Variants in IL1RAPL1 observed in about 807,000 individuals in gnomAD.
The protein encoded by IL1RAPL1 is interleukin-1 receptor accessory protein-like 1.
A neutral mutation model predicts 48.4 loss-of-function variants in IL1RAPL1; 3 were observed. The ratio of observed to expected loss-of-function variants is 0.06; its 90% CI spans 0.03 to 0.16. The LOEUF is 0.16. Ranked by LOEUF, IL1RAPL1 falls within the 10% of genes least tolerant of loss-of-function variation. The probability of loss-of-function intolerance (pLI) is 1.00; values close to 1 mark genes in which losing one functional copy is unlikely to be tolerated. For synonymous variants in IL1RAPL1, 185 were observed against 187.7 expected, an observed-to-expected ratio of 0.99 and a Z score of 0.12; for missense variants, 349 against 530.6, an observed-to-expected ratio of 0.66 and a Z score of 3.36.
chrX:29,031,347 T>G (rs756226296), intron 2 of IL1RAPL1, among the ~76,000 whole-genome samples: 8 of 112,215 alleles, frequency 7.1e-5, no homozygotes, highest in African/African-American at 1.9e-4. Context: ...AAAGCTACCA[T>G]AACAGGCCTA....
At chrX:28,762,314 A>C (rs1275527384) in intron 1 of IL1RAPL1, among the ~76,000 whole-genome samples, 1 of 111,886 alleles carries the variant, frequency 8.9e-6, no homozygotes, top group Non-Finnish European at 1.9e-5. Flanking sequence ...TGTATAATAA[A>C]ATTTTACAAT....
intron 6 of IL1RAPL1, among the ~76,000 whole-genome samples, chrX:29,845,073 C>A (rs1569184213): frequency 8.9e-6 from 1 of 112,096 alleles, no homozygotes; most frequent in African/African-American, 3.2e-5. Context: ...CTATAGACAG[C>A]TTGATTTCAG....
intron 5 of IL1RAPL1, among the ~76,000 whole-genome samples, chrX:29,631,286 TTATC>T (rs1295653013): frequency 8.9e-6 from 1 of 112,114 alleles, no homozygotes; most frequent in African/African-American, 3.2e-5. Flanking sequence ...AAGTTTCACC[TTATC>T]TATCTAGTTT....
intron 2 of IL1RAPL1, among the ~76,000 whole-genome samples, chrX:29,007,171 A>G (rs1926004472): frequency 8.9e-6 from 1 of 112,057 alleles, no homozygotes; most frequent in Admixed American, 9.5e-5. Context: ...ATGAATTGTA[A>G]AAGTAATAAG....
At chrX:28,838,650 C>T (rs1330991213) in intron 2 of IL1RAPL1, among the ~76,000 whole-genome samples, 1 of 109,238 alleles carries the variant, frequency 9.2e-6, no homozygotes, top group East Asian at 2.9e-4. Flanking sequence ...TTTTGTCTTC[C>T]TTTTTTTTGT....
chrX:29,454,961 T>A (rs1934721947), intron 5 of IL1RAPL1, among the ~76,000 whole-genome samples: 1 of 110,949 alleles, frequency 9.0e-6, no homozygotes, highest in South Asian at 3.8e-4. Context: ...AATGCACTTA[T>A]GTTCACTGAA....
chrX:29,796,737 C>G (rs1361483757), intron 6 of IL1RAPL1, among the ~76,000 whole-genome samples: 1 of 112,641 alleles, frequency 8.9e-6, no homozygotes, highest in Non-Finnish European at 1.9e-5. Context: ...ATTTAAAACT[C>G]TCTTTTAGCT....
At chrX:29,413,868 C>T (rs988452254) in intron 5 of IL1RAPL1, among the ~76,000 whole-genome samples, 1 of 109,148 alleles carries the variant, frequency 9.2e-6, no homozygotes, top group Non-Finnish European at 1.9e-5. Flanking sequence ...GCATTTCTAC[C>T]TTTGATATGA....
At chrX:29,131,288 A>ATATG (rs1479369867) in intron 2 of IL1RAPL1, among the ~76,000 whole-genome samples, 2 of 110,024 alleles carry the variant, frequency 1.8e-5, no homozygotes, top group Non-Finnish European at 3.8e-5. Flanking sequence ...ATATATATAT[A>ATATG]TATGCTGGCA....
At chrX:28,831,887 T>A (rs1293232826) in intron 2 of IL1RAPL1, among the ~76,000 whole-genome samples, 1 of 111,514 alleles carries the variant, frequency 9.0e-6, no homozygotes, top group Non-Finnish European at 1.9e-5. Flanking sequence ...CTTAACTTTT[T>A]AAAAAAGCTA....
chrX:29,657,815 T>G (rs190888487), intron 5 of IL1RAPL1, among the ~76,000 whole-genome samples: 124 of 108,195 alleles, frequency 1.1e-3, no homozygotes, highest in African/African-American at 4.0e-3. Flanking sequence ...TAGAAGATAA[T>G]TAGTGACTGT....
At chrX:29,289,854 C>T (rs1225894809) in intron 3 of IL1RAPL1, among the ~76,000 whole-genome samples, 2 of 111,940 alleles carry the variant, frequency 1.8e-5, no homozygotes, top group East Asian at 2.8e-4. Flanking sequence ...ATTTTGGTTT[C>T]GACATGTACA....
rs753763578 is a variant in IL1RAPL1 at position 28,989,131 on chromosome X, A to T, written c.82+199706A>T. 9.8e-5 allele frequency among the ~76,000 whole-genome samples: 11 copies of T among 112,356 alleles called. No individual in the cohort carries two copies. The East Asian group carries it at 2.8e-3, about 29-fold the overall frequency. ...GGTATGCTTCACCATTGTATTAACT[A>T]CATCACTGACTTCAATAGCTGAAAG... On this transcript the variant is annotated intron_variant, in intron 2 of 10. Coordinates refer to ENST00000378993, the MANE Select transcript of IL1RAPL1 (RefSeq NM_014271.4).
intron 5 of IL1RAPL1, among the ~76,000 whole-genome samples, chrX:29,487,193 C>T (rs888989229): frequency 1.2e-4 from 13 of 112,020 alleles, no homozygotes; most frequent in African/African-American, 3.9e-4. Flanking sequence ...CCCTGTAGCT[C>T]ACATATGATC....
At chrX:29,060,178 C>A (rs1927310301) in intron 2 of IL1RAPL1, among the ~76,000 whole-genome samples, 1 of 111,494 alleles carries the variant, frequency 9.0e-6, no homozygotes, top group Admixed American at 9.5e-5. Flanking sequence ...AGTTAAGAAC[C>A]ATTGTATATT....
chrX:29,199,520 G>T (rs976141449), intron 2 of IL1RAPL1, among the ~76,000 whole-genome samples: 6 of 111,506 alleles, frequency 5.4e-5, no homozygotes, highest in Non-Finnish European at 1.1e-4. Flanking sequence ...CAGATTAGGG[G>T]GCGGTGCAGC....
chrX:29,642,448 A>AATGTC (rs1383927590), intron 5 of IL1RAPL1, among the ~76,000 whole-genome samples: 1 of 112,440 alleles, frequency 8.9e-6, no homozygotes, highest in Non-Finnish European at 1.9e-5. Context: ...TACACTCAAT[A>AATGTC]ATGTCTGTTC....
chrX:28,635,187 A>G (rs1383637610), intron 1 of IL1RAPL1, among the ~76,000 whole-genome samples: 2 of 111,810 alleles, frequency 1.8e-5, no homozygotes, highest in Non-Finnish European at 3.8e-5. Context: ...AAATGTGAGT[A>G]CTCTGGCTAC....
intron 6 of IL1RAPL1, among the ~76,000 whole-genome samples, chrX:29,855,215 C>T (rs755106641): frequency 8.4e-4 from 94 of 111,390 alleles, no homozygotes; most frequent in Non-Finnish European, 1.2e-3. Flanking sequence ...CTTTTCATAT[C>T]AGTGTAGGAG....
Sources: gnomAD v4.1 joint callset for allele counts (sites outside exome capture counted in the v4.1 genomes callset) on GRCh38, gnomAD v4.1.1 for gene constraint, MANE v1.5 for transcripts, NCBI Gene and HGNC (gene_info 2026-07-23, HGNC 2026-07-21) for gene names.